THEMIS: variants seen among roughly 807,000 people sequenced by gnomAD.
THEMIS encodes thymocyte selection associated.
A neutral mutation model predicts 52.6 loss-of-function variants in THEMIS; 37 were observed. That is an observed-to-expected ratio of 0.70 (90% CI 0.54 to 0.93). THEMIS has a LOEUF of 0.93. THEMIS is among the 40% of genes least tolerant of loss of function. The pLI, the probability that THEMIS is intolerant of heterozygous loss-of-function variation, is 0.00. For missense variants in THEMIS, 808 were observed against 763.1 expected, an observed-to-expected ratio of 1.06 and a Z score of -0.69; for synonymous variants, 292 against 272.7, an observed-to-expected ratio of 1.07 and a Z score of -0.70.
chr6:127,734,764 GA>G (rs375714481), intron 4 of THEMIS, among the ~76,000 whole-genome samples: 5 of 149,242 alleles, frequency 3.4e-5, no homozygotes, highest in Non-Finnish European at 5.9e-5. Flanking sequence ...AGCTACTCAG[GA>G]GACTGAGGCA....
intron 4 of THEMIS, among the ~76,000 whole-genome samples, chr6:127,775,644 T>G (rs775570230): frequency 3.9e-5 from 6 of 152,166 alleles, no homozygotes; most frequent in African/African-American, 7.2e-5. Flanking sequence ...ATGCTTTTTT[T>G]TTTTTTGCAG....
At chr6:127,795,030 T>A (rs530802613) in intron 4 of THEMIS, among the ~76,000 whole-genome samples, 3 of 152,302 alleles carry the variant, frequency 2.0e-5, no homozygotes, top group African/African-American at 7.2e-5. Context: ...TTAAAATACA[T>A]AATCTTTGGT....
chr6:127,874,549 A>G (rs1452702677), intron 1 of THEMIS, among the ~76,000 whole-genome samples: 1 of 152,104 alleles, frequency 6.6e-6, no homozygotes, highest in Non-Finnish European at 1.5e-5. Context: ...GAGTTTTTTC[A>G]AATTGTTTCA....
At chr6:127,747,702 T>A (rs1775498547) in intron 4 of THEMIS, among the ~76,000 whole-genome samples, 1 of 151,910 alleles carries the variant, frequency 6.6e-6, no homozygotes, top group Non-Finnish European at 1.5e-5. Context: ...AAAAATATAG[T>A]GGGATAATAT....
At chr6:127,783,797 A>G (rs1271482044) in intron 4 of THEMIS, among the ~76,000 whole-genome samples, 1 of 152,220 alleles carries the variant, frequency 6.6e-6, no homozygotes, top group African/African-American at 2.4e-5. Flanking sequence ...GGGAATGTAA[A>G]TTAGTTCAAC....
In THEMIS at chr6:127,775,372, G is replaced by C. The variant is rs185342240; in HGVS notation, c.1758+37511C>G. On this transcript the variant is annotated intron_variant, in intron 4 of 5. Transcript: ENST00000368248. ...AAAAGTGACGTCCACCTATTTCTCTGAGTAGAGTCTTTCTCTATTTGGGGT... is the reference window on the plus strand; with the variant it reads ...AAAAGTGACGTCCACCTATTTCTCTCAGTAGAGTCTTTCTCTATTTGGGGT... Among the ~76,000 whole-genome samples, 309 of 152,278 alleles carry C rather than the reference G, an allele frequency of 2.0e-3. 1 individual carries two copies. Among genetic ancestry groups the C allele is most frequent in the Middle Eastern group, 0.014 (4 of 292 alleles).
intron 4 of THEMIS, among the ~76,000 whole-genome samples, chr6:127,793,847 T>A (rs918523777): frequency 4.6e-5 from 7 of 152,176 alleles, no homozygotes; most frequent in African/African-American, 1.7e-4. Context: ...ACTAAGATTA[T>A]CCCAGACCAC....
intron 4 of THEMIS, among the ~76,000 whole-genome samples, chr6:127,782,761 CT>C (rs1250969235): frequency 6.6e-6 from 1 of 152,046 alleles, no homozygotes; most frequent in Non-Finnish European, 1.5e-5. Context: ...TCCACCTCCT[CT>C]TCCATGCTCA....
At chr6:127,862,428 A>AGTTTTTTTTTTTTTTTT (rs1779833769) in intron 1 of THEMIS, among the ~76,000 whole-genome samples, 1 of 72,808 alleles carries the variant, frequency 1.4e-5, no homozygotes, top group Non-Finnish European at 2.8e-5. Context: ...TAGGGAGTAA[A>AGTTTTTTTTTTTTTTTT]TTTTTTTTTT....
chr6:127,795,125 A>G (rs913658177), intron 4 of THEMIS, among the ~76,000 whole-genome samples: 8 of 152,190 alleles, frequency 5.3e-5, no homozygotes, highest in Admixed American at 1.3e-4. Flanking sequence ...AGATGACCTG[A>G]TATCTCCCAC....
intron 4 of THEMIS, among the ~76,000 whole-genome samples, chr6:127,779,358 G>A (rs1438458418): frequency 2.6e-5 from 4 of 152,038 alleles, no homozygotes; most frequent in Non-Finnish European, 5.9e-5. Flanking sequence ...TTAACAACGA[G>A]TTTGAATTTA....
intron 5 of THEMIS, among the ~76,000 whole-genome samples, chr6:127,716,248 T>C (rs1028398143): frequency 2.0e-5 from 3 of 151,880 alleles, no homozygotes; most frequent in African/African-American, 7.2e-5. Context: ...TTTGAGTTTC[T>C]AGAGAGACAT....
At chr6:127,823,440 T>C (rs1277196412) in intron 3 of THEMIS, among the ~76,000 whole-genome samples, 1 of 152,122 alleles carries the variant, frequency 6.6e-6, no homozygotes, top group Non-Finnish European at 1.5e-5. Flanking sequence ...AAAACCCCCT[T>C]GTTACCTAAA....
intron 2 of THEMIS, among the ~76,000 whole-genome samples, chr6:127,842,204 G>A (rs556132543): frequency 3.4e-4 from 51 of 151,950 alleles, no homozygotes; most frequent in African/African-American, 1.2e-3. Flanking sequence ...AAAAAAATCA[G>A]CTACAATAAT....
chr6:127,812,547 A>G (rs909814874), intron 4 of THEMIS, among the ~76,000 whole-genome samples: 2 of 152,184 alleles, frequency 1.3e-5, no homozygotes, highest in Non-Finnish European at 2.9e-5. Context: ...AAAAAAATTA[A>G]CAGAACTTCT....
chr6:127,888,542 T>C (rs888783477), intron 1 of THEMIS, among the ~76,000 whole-genome samples: 1 of 152,064 alleles, frequency 6.6e-6, no homozygotes, highest in African/African-American at 2.4e-5. Flanking sequence ...ACAGAATACA[T>C]CAAAATGTTA....
Position 127,811,699 on chromosome 6 carries a change from CTCATT to C in THEMIS, c.1758+1179_1758+1183del, listed in dbSNP as rs71819402. Among the ~76,000 whole-genome samples the C allele has an allele frequency of 9.5e-3, 1,451 of 152,132 alleles. 22 individuals are homozygous for C. The highest frequency in any genetic ancestry group is 0.031 in the African/African-American group (1,306 of 41,496). On this transcript the variant is annotated intron_variant, in intron 4 of 5. Transcript: ENST00000368248. ...AAAACACAAAGAAGACATTTCATTT[CTCATT>C]TCATTTCTCACTATTCAGTTCAGTA...
rs1418106455 is a variant in THEMIS, at chr6:127,829,827, G to A, written c.358C>T (p.Gln120Ter). 5 of 1,614,038 alleles carry A rather than the reference G, an allele frequency of 3.1e-6. No individual in the cohort carries two copies. The highest frequency in any genetic ancestry group is 1.7e-5 in the Admixed American group (1 of 60,016). The change falls in exon 3 of 6, where the codon CAG (glutamine) becomes TAG (stop). Residue 120 changes from glutamine to a stop codon, truncating the protein, a stop_gained. Transcript: ENST00000368248. LOFTEE classifies it high-confidence loss of function. ...SRLGHPCFYH[Q>*]KDIKLENLII... ...AGGTTCTCTAGTTTTATATCCTTCTGATGATAGAAGCAAGGATGCCCTAGT... is the reference window on the plus strand; with the variant it reads ...AGGTTCTCTAGTTTTATATCCTTCTAATGATAGAAGCAAGGATGCCCTAGT...
At chr6:127,712,275 C>T (rs765332999) in intron 5 of THEMIS, among the ~76,000 whole-genome samples, 4 of 151,822 alleles carry the variant, frequency 2.6e-5, no homozygotes, top group Non-Finnish European at 5.9e-5. Flanking sequence ...TTAGAAGAGA[C>T]CTTATACGTC....
Sources: allele counts gnomAD v4.1 joint callset (sites outside exome capture counted in the v4.1 genomes callset), GRCh38; gene constraint gnomAD v4.1.1; transcripts MANE v1.5; gene names NCBI Gene and HGNC (gene_info 2026-07-23, HGNC 2026-07-21).